The following C16orf74 variants were observed in gnomAD, a reference collection of about 807,000 sequenced individuals.
The protein encoded by C16orf74 is uncharacterized protein C16orf74.
A neutral mutation model predicts 6.5 loss-of-function variants in C16orf74; 10 were observed. The observed-to-expected ratio is 1.54, with a 90% CI of 0.95 to 2.61. The LOEUF is 2.61. Ranked by LOEUF, C16orf74 falls within the 30% of genes most tolerant of loss-of-function variation. C16orf74 has a pLI of 0.00. For synonymous variants in C16orf74, 60 were observed against 42.5 expected, an observed-to-expected ratio of 1.41 and a Z score of -1.60; for missense variants, 141 against 105.9, an observed-to-expected ratio of 1.33 and a Z score of -1.45.
chr16:85,709,166 C>A (rs1352956792), intron 3 of C16orf74, among the ~76,000 whole-genome samples: 1 of 152,128 alleles, frequency 6.6e-6, no homozygotes, highest in Non-Finnish European at 1.5e-5. Context: ...ACCAGCCTGG[C>A]CAACACAACG....
At chr16:85,726,560 C>A (rs2054134946) in intron 2 of C16orf74, among the ~76,000 whole-genome samples, 1 of 152,180 alleles carries the variant, frequency 6.6e-6, no homozygotes, top group African/African-American at 2.4e-5. Flanking sequence ...ATTTTACAGA[C>A]AGGGACAGGA....
chr16:85,714,556 A>C (rs1267589865), intron 2 of C16orf74, among the ~76,000 whole-genome samples: 1 of 151,772 alleles, frequency 6.6e-6, no homozygotes, highest in Admixed American at 6.6e-5. Flanking sequence ...AGTAGCTGGG[A>C]TTACAGGCGC....
At chr16:85,722,081 G>C (rs433010) in intron 2 of C16orf74, among the ~76,000 whole-genome samples, 56,807 of 147,708 alleles carry the variant, frequency 0.38, 11,348 homozygotes, top group African/African-American at 0.51. Context: ...GCCTTGGCCT[G>C]CTAACTCCTG....
intron 1 of C16orf74, among the ~76,000 whole-genome samples, chr16:85,748,753 G>A (rs1050528429): frequency 1.3e-5 from 2 of 152,032 alleles, no homozygotes; most frequent in African/African-American, 2.4e-5. Context: ...TAGTCTGAAG[G>A]TCTGCACTGA....
At chr16:85,748,316 T>C (rs2054397169) in intron 1 of C16orf74, among the ~76,000 whole-genome samples, 1 of 152,016 alleles carries the variant, frequency 6.6e-6, no homozygotes. Context: ...AGTTATTATC[T>C]GGGCTGGGTG....
chr16:85,744,391 T>C (rs1289042942), intron 1 of C16orf74, among the ~76,000 whole-genome samples: 1 of 152,106 alleles, frequency 6.6e-6, no homozygotes, highest in Non-Finnish European at 1.5e-5. Flanking sequence ...GTTCTATCTT[T>C]TTCACACATT....
chr16:85,711,623 CAAAAAA>C (rs57336507), intron 2 of C16orf74, among the ~76,000 whole-genome samples: 155 of 111,024 alleles, frequency 1.4e-3, no homozygotes, highest in Non-Finnish European at 2.1e-3. Context: ...AACTCTGTCT[CAAAAAA>C]AAAAAAAAAA....
intron 2 of C16orf74, among the ~76,000 whole-genome samples, chr16:85,714,265 C>T (rs2053997417): frequency 6.6e-6 from 1 of 150,858 alleles, no homozygotes; most frequent in Admixed American, 6.6e-5. Flanking sequence ...CCACTCACTT[C>T]CCTCCCCTCA....
intron 2 of C16orf74, among the ~76,000 whole-genome samples, chr16:85,711,986 C>A (rs1443251466): frequency 6.6e-6 from 1 of 152,178 alleles, no homozygotes; most frequent in Non-Finnish European, 1.5e-5. Context: ...ATAGGACTGC[C>A]ATGATGGTGT....
chr16:85,725,063 G>C, intron 2 of C16orf74, among the ~76,000 whole-genome samples: 1 of 130,666 alleles, frequency 7.7e-6, no homozygotes, highest in East Asian at 2.0e-4. Flanking sequence ...ATGGGTGACT[G>C]ATGGGGGGGG....
intron 1 of C16orf74, chr16:85,744,311 G>C (rs55883333): frequency 0.3 from 45,956 of 150,776 alleles, 8,215 homozygotes; most frequent in East Asian, 0.6. Context: ...TTAAGGCAAG[G>C]ATACCCTTAG....
chr16:85,718,932 CG>C (rs1284450105), intron 2 of C16orf74, among the ~76,000 whole-genome samples: 2 of 152,268 alleles, frequency 1.3e-5, no homozygotes, highest in Non-Finnish European at 2.9e-5. Context: ...CTTGCGGTCA[CG>C]CAGCTGGAGT....
At chr16:85,748,120 G>GTGTGTGTGTATATATATA (rs1293259199) in intron 1 of C16orf74, among the ~76,000 whole-genome samples, 2 of 46,916 alleles carry the variant, frequency 4.3e-5, no homozygotes, top group African/African-American at 1.4e-4. Context: ...ATATATATAT[G>GTGTGTGTGTATATATATA]TGTGTGTGTA....
intron 2 of C16orf74, among the ~76,000 whole-genome samples, chr16:85,733,501 G>T (rs2054212826): frequency 6.6e-6 from 1 of 152,168 alleles, no homozygotes; most frequent in Non-Finnish European, 1.5e-5. Context: ...CTGTGAACGT[G>T]CTTAATGCCA....
At chr16:85,744,725 G>T (rs1276551037) in intron 1 of C16orf74, among the ~76,000 whole-genome samples, 1 of 151,380 alleles carries the variant, frequency 6.6e-6, no homozygotes, top group Admixed American at 6.6e-5. Flanking sequence ...AGCTACTTGG[G>T]AGGCTGAGGC....
rs140487991 is a variant in C16orf74 at position 85,744,552 on chromosome 16, C to G, written c.-19+6374G>C. 3.9e-4 allele frequency among the ~76,000 whole-genome samples: 59 copies of G among 152,262 alleles called. No individual in the cohort carries two copies. The East Asian group carries it at 0.011, about 28-fold the overall frequency. On this transcript the variant is annotated intron_variant, in intron 1 of 3. Coordinates refer to ENST00000284245, the MANE Select transcript of C16orf74 (RefSeq NM_206967.3). Reference sequence around the variant, plus strand: ...GCATAAAAATCTCCCTGTCAGCAGCCAGATGCGGTGGCTCATGCCTGAAAT... The same window carrying G: ...GCATAAAAATCTCCCTGTCAGCAGCGAGATGCGGTGGCTCATGCCTGAAAT...
chr16:85,715,011 G>C (rs2054008691), intron 2 of C16orf74, among the ~76,000 whole-genome samples: 2 of 151,308 alleles, frequency 1.3e-5, no homozygotes. Flanking sequence ...AAAAAAATTA[G>C]GCAGGCACGG....
At chr16:85,725,012 T>A (rs1185409436) in intron 2 of C16orf74, among the ~76,000 whole-genome samples, 2 of 151,864 alleles carry the variant, frequency 1.3e-5, no homozygotes, top group African/African-American at 4.8e-5. Context: ...CTGGCCTCCC[T>A]CCTTTCGGAG....
At chr16:85,737,117 G>C (rs1394331049) in intron 1 of C16orf74, among the ~76,000 whole-genome samples, 2 of 152,200 alleles carry the variant, frequency 1.3e-5, no homozygotes, top group African/African-American at 4.8e-5. Context: ...TGAGTGTGGG[G>C]AAGTGATCTG....
Sources: allele counts gnomAD v4.1 joint callset (sites outside exome capture counted in the v4.1 genomes callset), GRCh38; gene constraint gnomAD v4.1.1; transcripts MANE v1.5; gene names NCBI Gene and HGNC (gene_info 2026-07-23, HGNC 2026-07-21).